Variants in PACRG observed in about 807,000 individuals in gnomAD.
PACRG encodes the protein parkin coregulated gene protein.
In PACRG, 29 loss-of-function variants were observed where a neutral mutation model predicts 29.7. The ratio of observed to expected loss-of-function variants is 0.98; its 90% CI spans 0.73 to 1.33. The LOEUF (loss-of-function observed/expected upper bound fraction) is 1.33. PACRG is among the 40% of genes most tolerant of loss of function. The pLI, the probability that PACRG is intolerant of heterozygous loss-of-function variation, is 0.00. For synonymous variants in PACRG, 116 were observed against 118.7 expected, an observed-to-expected ratio of 0.98 and a Z score of 0.15; for missense variants, 279 against 316.2, an observed-to-expected ratio of 0.88 and a Z score of 0.89.
At chr6:162,741,152 C>A (rs1218995382) in intron 1 of PACRG, among the ~76,000 whole-genome samples, 1 of 152,146 alleles carries the variant, frequency 6.6e-6, no homozygotes, top group African/African-American at 2.4e-5. Context: ...ATTTACCAGG[C>A]AGCAAAGTCC....
intron 2 of PACRG, among the ~76,000 whole-genome samples, chr6:162,816,100 A>G (rs530702708): frequency 3.3e-5 from 5 of 152,164 alleles, no homozygotes; most frequent in Non-Finnish European, 7.4e-5. Flanking sequence ...AACAGTCAGC[A>G]GGGATATAAA....
rs1562349142 is a variant in PACRG, at chr6:163,269,785, A to ACAGACAGG, written c.614-45042_614-45041insCAGACAGG. On this transcript the variant is annotated intron_variant, in intron 4 of 4. Transcript: ENST00000366888. ...GAGAGACAGACAGACAGACAGACAG[A>ACAGACAGG]AAGAAAGAAAGGAAGGAAGGAAGGA... Among the ~76,000 whole-genome samples the ACAGACAGG allele has an allele frequency of 2.4e-4, 23 of 93,906 alleles. 3 individuals carry two copies. The South Asian group carries it at 7.0e-3, about 28-fold the overall frequency. 61.6% of individuals were successfully genotyped at this position (93,906 alleles called of 152,430 possible).
chr6:162,805,187 G>A (rs375010873), intron 1 of PACRG, among the ~76,000 whole-genome samples: 2 of 152,106 alleles, frequency 1.3e-5, no homozygotes, highest in African/African-American at 4.8e-5. Context: ...TATAAAGGGC[G>A]ACCTTGGAGA....
chr6:163,180,801 A>G (rs1779617073), intron 4 of PACRG, among the ~76,000 whole-genome samples: 1 of 152,154 alleles, frequency 6.6e-6, no homozygotes, highest in South Asian at 2.1e-4. Flanking sequence ...ATCTGATTTT[A>G]TGTTTCTTTT....
intron 1 of PACRG, among the ~76,000 whole-genome samples, chr6:162,778,760 C>G (rs1013465389): frequency 2.0e-5 from 3 of 152,222 alleles, no homozygotes; most frequent in Non-Finnish European, 4.4e-5. Flanking sequence ...CTAATACAGA[C>G]CGGCAGGTGG....
chr6:162,782,126 A>G (rs1008530551), intron 1 of PACRG, among the ~76,000 whole-genome samples: 2 of 151,920 alleles, frequency 1.3e-5, no homozygotes, highest in African/African-American at 4.8e-5. Flanking sequence ...ATGAGTATCA[A>G]ACAGTGGATT....
intron 4 of PACRG, among the ~76,000 whole-genome samples, chr6:163,279,827 A>T (rs1367302623): frequency 6.6e-6 from 1 of 152,218 alleles, no homozygotes; most frequent in Non-Finnish European, 1.5e-5. Flanking sequence ...TAATTGAAAG[A>T]GCTTGCTTGA....
At position 163,055,245 on chromosome 6, in the gene PACRG, A is replaced by G. The variant is rs896150159; in HGVS notation, c.292-6905A>G. 1.3e-5 allele frequency among the ~76,000 whole-genome samples: 2 copies of G among 152,150 alleles called. No homozygotes were observed. The highest frequency in any genetic ancestry group is 3.9e-4 in the East Asian group (2 of 5,192). On this transcript the variant is annotated intron_variant, in intron 2 of 4. Transcript: ENST00000366888. This position sits in a 1 kb window ranked among gnomAD's most constrained non-coding sequence, Gnocchi z 4.0. ...AGCCGTGACTGGGGATAGTGTGGAAATGGAGCAGTGGCTTTTCAGAAAAAG... is the reference window on the plus strand; with the variant it reads ...AGCCGTGACTGGGGATAGTGTGGAAGTGGAGCAGTGGCTTTTCAGAAAAAG...
chr6:163,042,473 T>G (rs1185442349), intron 2 of PACRG: 3 of 152,222 alleles, frequency 2.0e-5, no homozygotes, highest in Admixed American at 1.3e-4. Flanking sequence ...CTCTGTAGGC[T>G]TCAATGAGTT....
intron 2 of PACRG, among the ~76,000 whole-genome samples, chr6:163,023,423 G>A (rs1562841278): frequency 2.6e-5 from 4 of 152,174 alleles, no homozygotes; most frequent in Non-Finnish European, 4.4e-5. Context: ...CATTATAGCT[G>A]TGTAGTATTT....
At chr6:162,912,966 GA>G (rs1796417301) in intron 2 of PACRG, among the ~76,000 whole-genome samples, 2 of 151,872 alleles carry the variant, frequency 1.3e-5, no homozygotes, top group Admixed American at 6.6e-5. Flanking sequence ...TACCATTGGG[GA>G]TAAGCTCAAA....
chr6:163,145,911 A>G (rs943392121), intron 4 of PACRG, among the ~76,000 whole-genome samples: 2 of 152,176 alleles, frequency 1.3e-5, no homozygotes, highest in Non-Finnish European at 2.9e-5. Context: ...GGCGGTGAGG[A>G]GAGAGAGCTG....
chr6:163,058,545 G>A (rs1327513677), intron 2 of PACRG, among the ~76,000 whole-genome samples: 1 of 151,852 alleles, frequency 6.6e-6, no homozygotes, highest in African/African-American at 2.4e-5. Context: ...GGCCGAGGTG[G>A]GTGGATCACC....
In PACRG at chr6:163,062,176, T is replaced by C; in HGVS notation, c.318T>C (p.His106=). ...TAGAAATTGAGAAGCTGGATTACCA[T>C]CATTATCTGCCTCTGTTTTTTGATG... is the stretch of plus-strand genomic sequence containing the variant. ...WKVEIEKLDY[H]HYLPLFFDGL... The change falls in exon 3 of 5, where the codon CAT becomes CAC. Residue 106 remains histidine (H), a synonymous_variant. Transcript: ENST00000366888. The C allele has an allele frequency of 1.9e-6, 3 of 1,614,072 alleles. No individual in the cohort carries two copies. Among genetic ancestry groups the C allele is most frequent in the Non-Finnish European group, 2.5e-6 (3 of 1,180,000 alleles).
chr6:163,031,524 A>G (rs1381585164), intron 2 of PACRG, among the ~76,000 whole-genome samples: 1 of 152,264 alleles, frequency 6.6e-6, no homozygotes, highest in African/African-American at 2.4e-5. Flanking sequence ...CATAGTTCTT[A>G]CAACATAACT....
intron 3 of PACRG, among the ~76,000 whole-genome samples, chr6:163,063,048 G>T (rs774044057): frequency 6.6e-5 from 10 of 152,158 alleles, no homozygotes; most frequent in Non-Finnish European, 1.2e-4. Context: ...CTCAGGAAGA[G>T]GATGGCCTCT....
At chr6:162,782,504 G>A (rs1228220691) in intron 1 of PACRG, among the ~76,000 whole-genome samples, 1 of 151,744 alleles carries the variant, frequency 6.6e-6, no homozygotes, top group Non-Finnish European at 1.5e-5. Flanking sequence ...TATTAGTTTA[G>A]GAAATTCAAA....
chr6:162,771,809 TTC>T (rs1783244124), intron 1 of PACRG, among the ~76,000 whole-genome samples: 1 of 152,168 alleles, frequency 6.6e-6, no homozygotes, highest in South Asian at 2.1e-4. Context: ...CCATTTATTA[TTC>T]TGTTAATTAA....
At chr6:163,134,604 G>GA (rs545244504) in intron 4 of PACRG, among the ~76,000 whole-genome samples, 12 of 151,954 alleles carry the variant, frequency 7.9e-5, no homozygotes, top group African/African-American at 2.7e-4. Context: ...CTTTTAAGGG[G>GA]AAAAAAATAC....
Sources: allele counts gnomAD v4.1 joint callset (sites outside exome capture counted in the v4.1 genomes callset), GRCh38; gene constraint gnomAD v4.1.1; non-coding constraint Gnocchi (gnomAD v3.1); transcripts MANE v1.5; gene names NCBI Gene and HGNC (gene_info 2026-07-23, HGNC 2026-07-21).